CAMK2D: variants seen among roughly 807,000 people sequenced by gnomAD.
The protein encoded by CAMK2D is calcium/calmodulin dependent protein kinase II delta, also known as calcium/calmodulin-dependent protein kinase type II subunit delta.
CAMK2D carries 37 observed loss-of-function variants against 84.0 expected under a neutral mutation model. The ratio of observed to expected loss-of-function variants is 0.44; its 90% CI spans 0.34 to 0.58. The LOEUF (loss-of-function observed/expected upper bound fraction) is 0.58, where lower values mean the gene tolerates loss of function less well. CAMK2D is among the 20% of genes least tolerant of loss of function. CAMK2D has a pLI of 0.02. For missense variants in CAMK2D, 448 were observed against 652.5 expected, an observed-to-expected ratio of 0.69 and a Z score of 3.41; for synonymous variants, 202 against 212.5, an observed-to-expected ratio of 0.95 and a Z score of 0.43.
chr4:113,604,796 A>C (rs532889018), intron 4 of CAMK2D, among the ~76,000 whole-genome samples: 1 of 152,376 alleles, frequency 6.6e-6, no homozygotes, highest in South Asian at 2.1e-4. Context: ...AAAATGATAC[A>C]AGAAAAAATA....
chr4:113,729,342 G>A (rs1426851866), intron 2 of CAMK2D, among the ~76,000 whole-genome samples: 2 of 152,140 alleles, frequency 1.3e-5, no homozygotes, highest in Non-Finnish European at 1.5e-5. Context: ...ATGAGCCGGA[G>A]GACCTTCCAT....
At chr4:113,514,338 G>A (rs569978008) in intron 10 of CAMK2D, among the ~76,000 whole-genome samples, 13 of 152,268 alleles carry the variant, frequency 8.5e-5, no homozygotes, top group African/African-American at 2.6e-4. Flanking sequence ...GCTTGAACCT[G>A]GGAGGTGGAG....
intron 16 of CAMK2D, among the ~76,000 whole-genome samples, chr4:113,488,225 T>G (rs1017954693): frequency 1.3e-5 from 2 of 152,164 alleles, no homozygotes; most frequent in Non-Finnish European, 2.9e-5. Context: ...GAGAAAGTTT[T>G]ATAATCAACA....
chr4:113,520,893 G>T (rs975656649), intron 8 of CAMK2D, among the ~76,000 whole-genome samples: 2 of 152,104 alleles, frequency 1.3e-5, no homozygotes, highest in African/African-American at 4.8e-5. Flanking sequence ...GCCAGGTGTG[G>T]TGGAATGCAC....
At chr4:113,709,720 A>G (rs1167282570) in intron 2 of CAMK2D, among the ~76,000 whole-genome samples, 1 of 120,778 alleles carries the variant, frequency 8.3e-6, no homozygotes, top group East Asian at 2.3e-4. Flanking sequence ...TATGTGGAGT[A>G]GAGTGAAAAG....
At chr4:113,492,799 G>T (rs2097862407) in intron 16 of CAMK2D, among the ~76,000 whole-genome samples, 1 of 144,000 alleles carries the variant, frequency 6.9e-6, no homozygotes, top group Admixed American at 7.0e-5. Context: ...AGGTCACTCA[G>T]GACTTGCTTT....
intron 4 of CAMK2D, among the ~76,000 whole-genome samples, chr4:113,556,550 G>T (rs1406865410): frequency 6.6e-6 from 1 of 152,114 alleles, no homozygotes; most frequent in Admixed American, 6.5e-5. Flanking sequence ...GTCTTGGCTG[G>T]ATGATTCTAT....
Position 113,453,308 on chromosome 4 carries a change from A to G in CAMK2D, c.*1237T>C, listed in dbSNP as rs1296766609. 6.6e-6 allele frequency: 1 copy of G among 152,174 alleles called. No individual in the cohort carries two copies. The highest frequency in any genetic ancestry group is 2.4e-5 in the African/African-American group (1 of 41,436). The allele number at this position is 152,174 out of a possible 1,614,324, so 9.4% of individuals were successfully genotyped here. A position where few individuals can be genotyped will look rare whatever the true frequency, so the allele number is the denominator to read the frequency against. On this transcript the variant is annotated 3_prime_UTR_variant, in exon 21 of 21. Transcript: ENST00000511664. ...CATTTGTAAGCCTCTCTAACACTAG[A>G]AAACTAGCTAGTGATGATGCAGAAG...
chr4:113,752,158 A>C (rs535161321), intron 2 of CAMK2D, among the ~76,000 whole-genome samples: 24 of 152,052 alleles, frequency 1.6e-4, no homozygotes, highest in Admixed American at 3.3e-4. Flanking sequence ...AGGTAGCTTC[A>C]AAAGTAGGGA....
At chr4:113,523,605 T>G (rs6533694) in intron 8 of CAMK2D, among the ~76,000 whole-genome samples, 32,057 of 151,582 alleles carry the variant, frequency 0.21, 3,520 homozygotes, top group Non-Finnish European at 0.26. Flanking sequence ...AAACCCTGTC[T>G]CTACAAAAAG....
intron 15 of CAMK2D, among the ~76,000 whole-genome samples, chr4:113,500,875 G>A (rs951255294): frequency 1.1e-4 from 16 of 151,924 alleles, no homozygotes; most frequent in African/African-American, 2.9e-4. Context: ...TATGTTAGCC[G>A]AATGAATTTG....
At chr4:113,478,363 C>G (rs2097657112) in intron 16 of CAMK2D, among the ~76,000 whole-genome samples, 1 of 152,180 alleles carries the variant, frequency 6.6e-6, no homozygotes, top group African/African-American at 2.4e-5. Flanking sequence ...ACACACATCT[C>G]AAACAAATGT....
chr4:113,525,844 A>G (rs1410219316), intron 8 of CAMK2D, among the ~76,000 whole-genome samples: 3 of 152,162 alleles, frequency 2.0e-5, no homozygotes, highest in Non-Finnish European at 4.4e-5. Flanking sequence ...CTTGAAAATA[A>G]GTCACTACTT....
At chr4:113,721,880 T>G (rs946494963) in intron 2 of CAMK2D, among the ~76,000 whole-genome samples, 1 of 152,166 alleles carries the variant, frequency 6.6e-6, no homozygotes, top group Non-Finnish European at 1.5e-5. Context: ...TTCTGTTTGT[T>G]CACCAAAAAT....
chr4:113,531,292 A>G lies in CAMK2D; in HGVS notation c.525T>C (p.Ala175=), dbSNP rs749494004. The change falls in exon 8 of 21, where the codon GCT becomes GCC. Residue 175 remains alanine, a synonymous_variant. Transcript: ENST00000511664. ...CTGGAGAAAGATATCCAGGTGTGCC[A>G]GCAAAACCTAGGGAAAAGAGATGTT... The part of the protein sequence containing the change: ...QGDQQAWFGF[A]GTPGYLSPEV... 1.3e-6 allele frequency: 2 copies of G among 1,575,156 alleles called. No individual in the cohort carries two copies. The highest frequency in any genetic ancestry group is 1.7e-6 in the Non-Finnish European group (2 of 1,144,656).
At chr4:113,712,518 C>T (rs2099496744) in intron 2 of CAMK2D, among the ~76,000 whole-genome samples, 1 of 152,038 alleles carries the variant, frequency 6.6e-6, no homozygotes, top group Admixed American at 6.6e-5. Context: ...ACCATTACTT[C>T]ATTCACCTCA....
chr4:113,626,893 G>A (rs1264022035), intron 3 of CAMK2D, among the ~76,000 whole-genome samples: 2 of 152,122 alleles, frequency 1.3e-5, no homozygotes, highest in African/African-American at 2.4e-5. Flanking sequence ...TAATTTCGCG[G>A]TATGATGAAT....
rs146724414 is a variant in CAMK2D at position 113,675,234 on chromosome 4, AATATG to A, written c.161-13467_161-13463del. On this transcript the variant is annotated intron_variant, in intron 2 of 20. Transcript: ENST00000511664. ...ATGTATATTTCAGCTTAAAGAAATA[AATATG>A]ATATAAAACTACCCCACTACCTAGA... 7.2e-3 allele frequency among the ~76,000 whole-genome samples: 1,096 copies of A among 152,324 alleles called. 11 individuals are homozygous for A. Among genetic ancestry groups the A allele is most frequent in the African/African-American group, 0.024 (1,001 of 41,568 alleles).
chr4:113,584,223 A>C (rs2098823744), intron 4 of CAMK2D, among the ~76,000 whole-genome samples: 3 of 152,184 alleles, frequency 2.0e-5, no homozygotes, highest in African/African-American at 7.2e-5. Flanking sequence ...ACAAGAACCT[A>C]TGGGGAGTAG....
Sources: gnomAD v4.1 joint callset for allele counts (sites outside exome capture counted in the v4.1 genomes callset) on GRCh38, gnomAD v4.1.1 for gene constraint, MANE v1.5 for transcripts, NCBI Gene and HGNC (gene_info 2026-07-23, HGNC 2026-07-21) for gene names.